The following PTPRT variants were observed in gnomAD, a reference collection of about 807,000 sequenced individuals.
The protein encoded by PTPRT is receptor-type tyrosine-protein phosphatase T.
A neutral mutation model predicts 176.8 loss-of-function variants in PTPRT; 56 were observed. That is an observed-to-expected ratio of 0.32 (90% CI 0.26 to 0.40). The LOEUF (loss-of-function observed/expected upper bound fraction) is 0.40, where lower values mean the gene tolerates loss of function less well. Among genes scored for constraint, PTPRT ranks in the 10% least tolerant of loss-of-function variants. The pLI, the probability that PTPRT is intolerant of heterozygous loss-of-function variation, is 1.00. For missense variants in PTPRT, 1,540 were observed against 1,908.2 expected (o/e 0.81, Z 3.60); for synonymous variants, 783 against 739.0 (o/e 1.06, Z -0.96).
At chr20:42,535,279 A>C (rs2145558311) in intron 7 of PTPRT, among the ~76,000 whole-genome samples, 1 of 152,296 alleles carries the variant, frequency 6.6e-6, no homozygotes, top group Admixed American at 6.5e-5. Flanking sequence ...TGATGAGTAC[A>C]TAGGGACACA....
At chr20:42,958,967 T>C (rs1432536048) in intron 1 of PTPRT, among the ~76,000 whole-genome samples, 2 of 152,240 alleles carry the variant, frequency 1.3e-5, no homozygotes, top group Non-Finnish European at 2.9e-5. Flanking sequence ...TCGCTTAGTA[T>C]TCCCACTGTC....
chr20:42,910,569 G>C (rs532014218), intron 1 of PTPRT, among the ~76,000 whole-genome samples: 1 of 152,246 alleles, frequency 6.6e-6, no homozygotes, highest in Admixed American at 6.5e-5. Context: ...AGCTGGCTAT[G>C]GGGTCAAACT....
At chr20:43,170,391 G>T (rs2014967168) in intron 1 of PTPRT, among the ~76,000 whole-genome samples, 1 of 152,142 alleles carries the variant, frequency 6.6e-6, no homozygotes, top group African/African-American at 2.4e-5. Context: ...CAAGGATATA[G>T]AGAGAGTAAG....
chr20:42,799,003 T>C (rs1171336926), intron 2 of PTPRT, among the ~76,000 whole-genome samples: 1 of 151,828 alleles, frequency 6.6e-6, no homozygotes, highest in Non-Finnish European at 1.5e-5. Context: ...GCCGCCTGCA[T>C]TCTTTTACAC....
chr20:42,942,379 C>T (rs921427187), intron 1 of PTPRT, among the ~76,000 whole-genome samples: 1 of 152,214 alleles, frequency 6.6e-6, no homozygotes, highest in African/African-American at 2.4e-5. Flanking sequence ...TATTTCTAGA[C>T]AGGATATGCA....
chr20:42,500,892 G>A (rs1448791969), intron 7 of PTPRT, among the ~76,000 whole-genome samples: 3 of 152,084 alleles, frequency 2.0e-5, no homozygotes, highest in Admixed American at 6.6e-5. Flanking sequence ...ATTTTCCAAT[G>A]TCAGACAACC....
intron 6 of PTPRT, among the ~76,000 whole-genome samples, chr20:42,751,058 T>A (rs2076763199): frequency 6.6e-6 from 1 of 152,186 alleles, no homozygotes; most frequent in African/African-American, 2.4e-5. Context: ...TTAGGCAGCA[T>A]CTTCTGAAGT....
At chr20:42,690,748 G>T (rs1195720619) in intron 6 of PTPRT, among the ~76,000 whole-genome samples, 1 of 152,134 alleles carries the variant, frequency 6.6e-6, no homozygotes, top group Non-Finnish European at 1.5e-5. Context: ...AGATCACTGG[G>T]TCAGACAGAG....
intron 1 of PTPRT, among the ~76,000 whole-genome samples, chr20:43,152,555 C>CA (rs1168942483): frequency 6.6e-6 from 1 of 152,178 alleles, no homozygotes; most frequent in East Asian, 1.9e-4. Flanking sequence ...CCAATCTGAG[C>CA]AGCAAGGTCC....
At chr20:43,043,102 G>A (rs1387561957) in intron 1 of PTPRT, among the ~76,000 whole-genome samples, 3 of 152,154 alleles carry the variant, frequency 2.0e-5, no homozygotes, top group Non-Finnish European at 2.9e-5. Flanking sequence ...CAGGACTCTG[G>A]TCTTAATGAA....
At chr20:42,538,976 T>G (rs2072526982) in intron 7 of PTPRT, among the ~76,000 whole-genome samples, 1 of 152,104 alleles carries the variant, frequency 6.6e-6, no homozygotes, top group African/African-American at 2.4e-5. Context: ...TATCACTAAT[T>G]CTCCCCCTCA....
At chr20:42,669,739 G>T (rs1195342395) in intron 7 of PTPRT, among the ~76,000 whole-genome samples, 3 of 152,040 alleles carry the variant, frequency 2.0e-5, no homozygotes, top group Non-Finnish European at 2.9e-5. Flanking sequence ...ACTGCATGTT[G>T]CCCTGAAAGA....
At chr20:42,092,827 A>C (rs1288886609) in intron 27 of PTPRT, among the ~76,000 whole-genome samples, 2 of 152,196 alleles carry the variant, frequency 1.3e-5, no homozygotes, top group Non-Finnish European at 2.9e-5. Flanking sequence ...TGCCTCTCTC[A>C]CTTCCATGGG....
At chr20:42,569,429 A>T (rs1475230411) in intron 7 of PTPRT, among the ~76,000 whole-genome samples, 1 of 152,150 alleles carries the variant, frequency 6.6e-6, no homozygotes, top group Non-Finnish European at 1.5e-5. Flanking sequence ...GAATAAAGGC[A>T]TGAAATGATA....
intron 15 of PTPRT, among the ~76,000 whole-genome samples, chr20:42,223,820 C>T (rs1381558519): frequency 6.6e-6 from 1 of 152,182 alleles, no homozygotes; most frequent in African/African-American, 2.4e-5. Flanking sequence ...AGTATGAAGA[C>T]TTAGCTTTTC....
At chr20:42,714,859 T>G (rs1053485446) in intron 6 of PTPRT, among the ~76,000 whole-genome samples, 2 of 152,006 alleles carry the variant, frequency 1.3e-5, no homozygotes, top group African/African-American at 4.8e-5. Context: ...ATATGGGGAG[T>G]ACCTGTTAGA....
intron 7 of PTPRT, among the ~76,000 whole-genome samples, chr20:42,544,400 C>A (rs1047990712): frequency 1.3e-5 from 2 of 152,194 alleles, no homozygotes. Context: ...GCTACTTCCT[C>A]ACCTCTCTCA....
chr20:42,694,121 C>T (rs2075835448), intron 6 of PTPRT, among the ~76,000 whole-genome samples: 1 of 151,670 alleles, frequency 6.6e-6, no homozygotes, highest in Non-Finnish European at 1.5e-5. Context: ...TCACTGCAAC[C>T]TCCACCTCCC....
intron 7 of PTPRT, among the ~76,000 whole-genome samples, chr20:42,663,541 G>C (rs997739736): frequency 5.3e-5 from 8 of 152,152 alleles, no homozygotes; most frequent in African/African-American, 1.9e-4. Flanking sequence ...TGATGTTCTA[G>C]AATCCAGGGC....
Sources: gnomAD v4.1 joint callset for allele counts (sites outside exome capture counted in the v4.1 genomes callset) on GRCh38, gnomAD v4.1.1 for gene constraint, MANE v1.5 for transcripts, NCBI Gene and HGNC (gene_info 2026-07-23, HGNC 2026-07-21) for gene names.